The following N4BP2 variants were observed in gnomAD, a reference collection of about 807,000 sequenced individuals.
The protein encoded by N4BP2 is NEDD4 binding protein 2.
A neutral mutation model predicts 152.8 loss-of-function variants in N4BP2; 91 were observed. The ratio of observed to expected loss-of-function variants is 0.60; its 90% CI spans 0.50 to 0.71. The LOEUF is 0.71. Ranked by LOEUF, N4BP2 falls within the 30% of genes least tolerant of loss-of-function variation. The pLI, the probability that N4BP2 is intolerant of heterozygous loss-of-function variation, is 0.00. For synonymous variants in N4BP2, 646 were observed against 705.3 expected (o/e 0.92, Z 1.33); for missense variants, 1,923 against 2,059.1 (o/e 0.93, Z 1.28).
intron 12 of N4BP2, among the ~76,000 whole-genome samples, chr4:40,128,507 A>T (rs1009191150): frequency 9.9e-5 from 15 of 151,202 alleles, no homozygotes; most frequent in African/African-American, 3.7e-4. Flanking sequence ...ATATGTATTA[A>T]TTTGAGGCAA....
At chr4:40,173,259 A>C in the N4BP2 span, among the ~76,000 whole-genome samples, 1 of 152,226 alleles carries the variant, frequency 6.6e-6, no homozygotes, top group African/African-American at 2.4e-5. Flanking sequence ...GGCCACCCAA[A>C]ATTGCAAAAG....
chr4:40,132,902 A>G (rs1275396514), intron 13 of N4BP2, among the ~76,000 whole-genome samples: 7 of 149,434 alleles, frequency 4.7e-5, no homozygotes, highest in African/African-American at 7.5e-5. Flanking sequence ...TACAATAGTA[A>G]TGAAATGGTG....
intron 16 of N4BP2, among the ~76,000 whole-genome samples, chr4:40,146,232 A>G (rs912197328): frequency 2.6e-5 from 4 of 152,120 alleles, no homozygotes; most frequent in African/African-American, 9.7e-5. Flanking sequence ...TTTAGGATAA[A>G]TTCTAAAATC....
At chr4:40,179,163 T>G in the N4BP2 span, among the ~76,000 whole-genome samples, 1 of 152,054 alleles carries the variant, frequency 6.6e-6, no homozygotes, top group South Asian at 2.1e-4. Context: ...GGTCAGGAGA[T>G]CGAGACCATC....
intron 2 of N4BP2, among the ~76,000 whole-genome samples, chr4:40,074,479 G>C (rs796493476): frequency 1.2e-4 from 19 of 152,036 alleles, no homozygotes; most frequent in African/African-American, 4.6e-4. Context: ...AAAGTGCTGG[G>C]ACAACAGGTG....
chr4:40,155,025 A>G lies in N4BP2; in HGVS notation c.*788A>G, dbSNP rs1264570253. On this transcript the variant is annotated 3_prime_UTR_variant, in exon 18 of 18. Transcript: ENST00000261435. ...ATTTCAGACAGTACTAAATACTTATATTTTATTTTTGAGGCATGTAATTTT... is the reference window on the plus strand; with the variant it reads ...ATTTCAGACAGTACTAAATACTTATGTTTTATTTTTGAGGCATGTAATTTT... 6.6e-6 allele frequency: 1 copy of G among 152,228 alleles called. No individual in the cohort carries two copies. The highest frequency in any genetic ancestry group is 1.5e-5 in the Non-Finnish European group (1 of 68,036). The allele number at this position is 152,228 out of a possible 1,614,324, so 9.4% of individuals were successfully genotyped here.
intron 1 of N4BP2, among the ~76,000 whole-genome samples, chr4:40,071,581 T>C (rs948149867): frequency 6.6e-6 from 1 of 152,176 alleles, no homozygotes; most frequent in African/African-American, 2.4e-5. Context: ...TTTTTATTTT[T>C]TTGAGACGGA....
chr4:40,122,377 A>AT (rs897391963), intron 9 of N4BP2, 68 bp downstream of exon 9: 57,271 of 858,624 alleles, frequency 0.067, 1 homozygote, highest in East Asian at 0.074. Context: ...TCTATTTTGT[A>AT]TTTTTTTTTT....
At position 40,102,411 on chromosome 4, in the gene N4BP2, C is replaced by T. The variant is rs374444087; in HGVS notation, c.566C>T (p.Pro189Leu). 3.7e-5 allele frequency: 60 copies of T among 1,610,980 alleles called. No homozygotes were observed. The highest frequency in any genetic ancestry group is 4.8e-5 in the Non-Finnish European group (56 of 1,178,858). Reference sequence around the variant, plus strand: ...AATCCTGATTCAAGTAATATGACTCCCATTTTTTCTACACAAAATATGAAT... The same window carrying T: ...AATCCTGATTCAAGTAATATGACTCTCATTTTTTCTACACAAAATATGAAT... ...FINPDSSNMT[P>L]IFSTQNMNLN... Residue 189 changes from proline to leucine, a missense_variant, in exon 4 of 18, where the codon CCC becomes CTC. Physicochemically the swap from Pro to Leu is moderately conservative, Grantham distance 98 (BLOSUM62 -3). Transcript: ENST00000261435.
At chr4:40,169,107 G>A in the N4BP2 span, among the ~76,000 whole-genome samples, 1 of 152,046 alleles carries the variant, frequency 6.6e-6, no homozygotes, top group Non-Finnish European at 1.5e-5. Context: ...AAAGGGCCGG[G>A]CGTGGTGGTT....
downstream of N4BP2, among the ~76,000 whole-genome samples, chr4:40,160,948 A>G (rs1721842443): frequency 6.6e-6 from 1 of 152,184 alleles, no homozygotes; most frequent in Non-Finnish European, 1.5e-5. Context: ...ACAGAGCTTT[A>G]TCCTCAGTGG....
At position 40,117,876 on chromosome 4, in the gene N4BP2, A is replaced by G. The variant is rs748213384; in HGVS notation, c.1672A>G (p.Ile558Val). Reference sequence around the variant, plus strand: ...TTCCCCTGGAATTTTCAGGCGTAACATTCATGGGGTAAGCAAAGAAAAAAT... The same window carrying G: ...TTCCCCTGGAATTTTCAGGCGTAACGTTCATGGGGTAAGCAAAGAAAAAAT... ...FKPKELARRNIHGVSKEKITR... is the reference protein window; with the variant it reads ...FKPKELARRNVHGVSKEKITR... Residue 558 changes from isoleucine (I) to valine (V), a missense_variant, in exon 8 of 18, where the codon ATT (isoleucine) becomes GTT (valine). By Grantham distance (29) the Ile-to-Val change is conservative. Coordinates refer to ENST00000261435, the MANE Select transcript of N4BP2 (RefSeq NM_018177.6). 2 of 1,603,420 alleles carry G rather than the reference A, an allele frequency of 1.2e-6. No homozygotes were observed. The highest frequency in any genetic ancestry group is 1.7e-6 in the Non-Finnish European group (2 of 1,175,842).
chr4:40,062,109 C>T (rs1279173152), intron 1 of N4BP2, among the ~76,000 whole-genome samples: 4 of 123,892 alleles, frequency 3.2e-5, no homozygotes, highest in South Asian at 2.5e-4. Flanking sequence ...GACGGAGTCT[C>T]GCTCTGTCAC....
intron 8 of N4BP2, among the ~76,000 whole-genome samples, chr4:40,119,049 T>C (rs1717609149): frequency 6.6e-6 from 1 of 152,244 alleles, no homozygotes; most frequent in African/African-American, 2.4e-5. Flanking sequence ...CATGGACTCT[T>C]GAGCTATATT....
chr4:40,090,919 C>T (rs1357872474), intron 2 of N4BP2, among the ~76,000 whole-genome samples: 10 of 109,588 alleles, frequency 9.1e-5, no homozygotes, highest in Admixed American at 2.8e-4. Context: ...GGTGACAGAG[C>T]GAGACTCAGT....
At chr4:40,174,515 A>T in the N4BP2 span, among the ~76,000 whole-genome samples, 1 of 152,040 alleles carries the variant, frequency 6.6e-6, no homozygotes, top group Non-Finnish European at 1.5e-5. Flanking sequence ...GATTAAAAAA[A>T]CTGCTGGCCA....
At chr4:40,149,351 T>C (rs147488657) in intron 16 of N4BP2, among the ~76,000 whole-genome samples, 2 of 152,318 alleles carry the variant, frequency 1.3e-5, no homozygotes, top group African/African-American at 4.8e-5. Context: ...TATGATTTCA[T>C]TTTTACCAAA....
At chr4:40,066,746 C>T (rs911072078) in intron 1 of N4BP2, among the ~76,000 whole-genome samples, 2 of 152,064 alleles carry the variant, frequency 1.3e-5, no homozygotes, top group Admixed American at 6.6e-5. Context: ...AAAAGTACAA[C>T]GTATTTACTA....
intron 12 of N4BP2, among the ~76,000 whole-genome samples, chr4:40,126,694 C>T (rs1718441592): frequency 6.6e-6 from 1 of 152,182 alleles, no homozygotes; most frequent in Admixed American, 6.5e-5. Context: ...AAGCCTTGAC[C>T]TCCAGGGCTC....
Sources: gnomAD v4.1 joint callset for allele counts (sites outside exome capture counted in the v4.1 genomes callset) on GRCh38, gnomAD v4.1.1 for gene constraint, MANE v1.5 for transcripts, NCBI Gene and HGNC (gene_info 2026-07-23, HGNC 2026-07-21) for gene names.